Variants in AKNA observed in about 807,000 individuals in gnomAD.
AKNA encodes AT-hook transcription factor.
AKNA carries 67 observed loss-of-function variants against 138.8 expected under a neutral mutation model. The ratio of observed to expected loss-of-function variants is 0.48; its 90% CI spans 0.40 to 0.59. AKNA has a LOEUF of 0.59. Ranked by LOEUF, AKNA falls within the 20% of genes least tolerant of loss-of-function variation. The pLI is 0.00. For synonymous variants in AKNA, 737 were observed against 754.4 expected (o/e 0.98, Z 0.38); for missense variants, 1,813 against 1,880.4 (o/e 0.96, Z 0.66).
intron 14 of AKNA, among the ~76,000 whole-genome samples, chr9:114,353,114 T>G (rs778892071): frequency 2.5e-4 from 38 of 152,164 alleles, no homozygotes; most frequent in Admixed American, 1.3e-4. Context: ...TTGGTGGTTT[T>G]TAATTTCAAT....
downstream of AKNA, among the ~76,000 whole-genome samples, chr9:114,332,313 T>A (rs1829867835): frequency 6.6e-6 from 1 of 152,138 alleles, no homozygotes; most frequent in Non-Finnish European, 1.5e-5. Context: ...AGTGGGGAAT[T>A]GATACTGTGG....
chr9:114,343,664 C>A, intron 19 of AKNA, 44 bp downstream of exon 19: 1 of 1,590,646 alleles, frequency 6.3e-7, no homozygotes, highest in Non-Finnish European at 8.6e-7. Flanking sequence ...CAAGAAGCTG[C>A]AGCCACAGCT....
rs1830647154 is a variant in AKNA at position 114,345,887 on chromosome 9, C to A, written c.3637G>T (p.Val1213Phe). 1.2e-6 allele frequency: 2 copies of A among 1,614,136 alleles called. No individual in the cohort carries two copies. Among genetic ancestry groups the A allele is most frequent in the Non-Finnish European group, 1.7e-6 (2 of 1,180,024 alleles). Residue 1213 changes from valine (V) to phenylalanine (F), a missense_variant, in exon 18 of 22, where the codon GTC (valine) becomes TTC (phenylalanine). Transcript: ENST00000374088. ...GVGSAGWPDR[V>F]TFRGQYTGHE... Reference sequence around the variant, plus strand: ...CCTGTGTATTGGCCCCGGAAGGTGACCCTGTCTGGCCATCCAGCACTGCCC... The same window carrying A: ...CCTGTGTATTGGCCCCGGAAGGTGAACCTGTCTGGCCATCCAGCACTGCCC...
intron 1 of AKNA, among the ~76,000 whole-genome samples, chr9:114,386,854 C>A (rs914745455): frequency 3.9e-5 from 6 of 152,114 alleles, no homozygotes; most frequent in African/African-American, 1.4e-4. Context: ...CCCAGACGCC[C>A]AGGCTCTCCT....
rs369729921 is a variant in AKNA, at chr9:114,365,605, T to C, written c.1729-986A>G. ...TATAATATATAAAATAGAACTATAATGTGAGCTACACCATCTATAATTTTC... is the reference window on the plus strand; with the variant it reads ...TATAATATATAAAATAGAACTATAACGTGAGCTACACCATCTATAATTTTC... On this transcript the variant is annotated intron_variant, in intron 6 of 21. Coordinates refer to ENST00000374088, the MANE Select transcript of AKNA (RefSeq NM_001317950.2). Among the ~76,000 whole-genome samples, 33 of 152,132 alleles carry C rather than the reference T, an allele frequency of 2.2e-4. 3 individuals carry two copies. The highest frequency in any genetic ancestry group is 1.6e-3 in the Admixed American group (25 of 15,296).
chr9:114,392,428 C>T (rs957223829), upstream of AKNA, among the ~76,000 whole-genome samples: 4 of 152,232 alleles, frequency 2.6e-5, no homozygotes, highest in African/African-American at 7.2e-5. Flanking sequence ...GCTTTGTGGG[C>T]AAACAGAGAA....
In AKNA at chr9:114,361,698, A is replaced by G; in HGVS notation, c.2124+6T>C. 1 of 1,612,826 alleles carries G rather than the reference A, an allele frequency of 6.2e-7. No individual in the cohort carries two copies. Among genetic ancestry groups the G allele is most frequent in the South Asian group, 1.1e-5 (1 of 91,018 alleles). On this transcript the variant is annotated splice_donor_region_variant and intron_variant, in intron 9 of 21. Transcript: ENST00000374088. ...AACAGCCCAATATGGTTGAGCCAAG[A>G]GGTACCTCAGGGCAGGAGGTCTTGA...
At chr9:114,383,817 G>T (rs570556523) in intron 1 of AKNA, among the ~76,000 whole-genome samples, 3 of 152,200 alleles carry the variant, frequency 2.0e-5, no homozygotes, top group Non-Finnish European at 4.4e-5. Context: ...TCAAGGGCTG[G>T]AGGAGGGAGG....
At chr9:114,339,521 C>T (rs1448609882) in intron 21 of AKNA, among the ~76,000 whole-genome samples, 3 of 152,208 alleles carry the variant, frequency 2.0e-5, no homozygotes, top group Admixed American at 6.5e-5. Context: ...ATAGGTATAA[C>T]CCGCCCATCC....
chr9:114,372,607 T>C (rs1047414081), intron 4 of AKNA, among the ~76,000 whole-genome samples: 6 of 152,076 alleles, frequency 3.9e-5, no homozygotes, highest in Admixed American at 6.5e-5. Flanking sequence ...CCCCCGCCAC[T>C]CCATGACCTT....
intron 7 of AKNA, among the ~76,000 whole-genome samples, 179 bp from the exon 8 acceptor site, chr9:114,362,712 G>A (rs1297802475): frequency 6.6e-6 from 1 of 152,222 alleles, no homozygotes; most frequent in African/African-American, 2.4e-5. Flanking sequence ...GAGAGCTGCC[G>A]TGGTCAAGCT....
rs1280304865 is a variant in AKNA, at chr9:114,368,555, A to C, written c.1457T>G (p.Ile486Ser). Residue 486 changes from isoleucine (I) to serine (S), a missense_variant, in exon 5 of 22, where the codon ATC becomes AGC. Transcript: ENST00000374088. ...CCCCTGGGGCACCATTCCCGTGTGG[A>C]TGCTGTGGTTGGGCTGGGGTGGGTC... ...FSDPPQPNHS[I>S]HTGMVPQGTK... 24 of 1,398,470 alleles carry C rather than the reference A, an allele frequency of 1.7e-5. No homozygotes were observed. Among genetic ancestry groups the C allele is most frequent in the Non-Finnish European group, 2.2e-5 (24 of 1,070,256 alleles). The allele number at this position is 1,398,470 out of a possible 1,614,324, so 86.6% of individuals were successfully genotyped here.
chr9:114,382,487 G>A (rs768857428), intron 1 of AKNA, among the ~76,000 whole-genome samples: 6 of 151,818 alleles, frequency 4.0e-5, no homozygotes, highest in Non-Finnish European at 8.8e-5. Flanking sequence ...AGAGGTCGAG[G>A]TGGGAGGATC....
Position 114,336,847 on chromosome 9 carries a change from TG to T in AKNA, c.*206del. 3.6e-6 allele frequency: 2 copies of T among 551,084 alleles called. No individual in the cohort carries two copies. The highest frequency in any genetic ancestry group is 5.8e-6 in the Non-Finnish European group (2 of 343,672). 34.1% of individuals were successfully genotyped at this position (551,084 alleles called of 1,614,324 possible). ...ACCTCTGTGAGGGGACTGGTGCTCC[TG>T]GGAAGTCACTTCTCTTGGTGACCGA... On this transcript the variant is annotated 3_prime_UTR_variant, in exon 22 of 22. Transcript: ENST00000374088.
chr9:114,392,104 CAA>C (rs61619495), upstream of AKNA, among the ~76,000 whole-genome samples: 208 of 86,552 alleles, frequency 2.4e-3, 1 homozygote, highest in African/African-American at 8.6e-3. Context: ...AGACGCTTGT[CAA>C]AAAAAAAAAA....
At chr9:114,388,577 C>A (rs1289102878), upstream of AKNA, among the ~76,000 whole-genome samples, 1 of 152,188 alleles carries the variant, frequency 6.6e-6, no homozygotes, top group African/African-American at 2.4e-5. Context: ...GAGGTGTGAA[C>A]CTGGCGGATC....
In AKNA at chr9:114,359,624, T is replaced by C. The variant is rs2131910099; in HGVS notation, c.2462A>G (p.Gln821Arg). 1 of 1,610,038 alleles carries C rather than the reference T, an allele frequency of 6.2e-7. No homozygotes were observed. Among genetic ancestry groups the C allele is most frequent in the South Asian group, 1.1e-5 (1 of 91,068 alleles). The change falls in exon 11 of 22, where the codon CAG becomes CGG. Residue 821 changes from glutamine to arginine, a missense_variant. Coordinates refer to ENST00000374088, the MANE Select transcript of AKNA (RefSeq NM_001317950.2). ...TRVLPRQCPV[Q>R]AEKSHGAPLE... ...GGGAGCCCCATGACTTTTCTCAGCCTGCACCGGGCACTGCCTTGGGAGGAC... is the reference window on the plus strand; with the variant it reads ...GGGAGCCCCATGACTTTTCTCAGCCCGCACCGGGCACTGCCTTGGGAGGAC...
chr9:114,339,339 C>T (rs372945395), intron 21 of AKNA, among the ~76,000 whole-genome samples: 8 of 152,220 alleles, frequency 5.3e-5, no homozygotes, highest in Admixed American at 3.3e-4. Flanking sequence ...CCACTGGGCC[C>T]GTTCAGTCCT....
chr9:114,343,079 G>C (rs925474347), intron 19 of AKNA, among the ~76,000 whole-genome samples: 3 of 152,226 alleles, frequency 2.0e-5, no homozygotes, highest in Admixed American at 2.0e-4. Flanking sequence ...TAAAATGGAC[G>C]TAATAGTACT....
Sources: gnomAD v4.1 joint callset for allele counts (sites outside exome capture counted in the v4.1 genomes callset) on GRCh38, gnomAD v4.1.1 for gene constraint, MANE v1.5 for transcripts, NCBI Gene and HGNC (gene_info 2026-07-23, HGNC 2026-07-21) for gene names.